LZIC: variants seen among roughly 807,000 people sequenced by gnomAD.
The protein encoded by LZIC is protein LZIC.
Under a neutral mutation model 25.4 loss-of-function variants are expected in LZIC, and 28 were observed. The observed-to-expected ratio is 1.10, with a 90% CI of 0.82 to 1.51. LZIC has a LOEUF of 1.51. LZIC is among the 40% of genes most tolerant of loss of function. The pLI is 0.00. For synonymous variants in LZIC, 65 were observed against 70.7 expected, an observed-to-expected ratio of 0.92 and a Z score of 0.40; for missense variants, 170 against 211.1, an observed-to-expected ratio of 0.81 and a Z score of 1.21.
downstream of LZIC, among the ~76,000 whole-genome samples, chr1:9,922,639 T>C (rs978485693): frequency 2.6e-5 from 4 of 152,310 alleles, no homozygotes; most frequent in East Asian, 1.9e-4. Context: ...TGGCTAACTA[T>C]AGACAGAACA....
rs1357580798 is a variant in LZIC, at chr1:9,930,090, AAAACAAACAGCC to A, written c.*297_*308del. 49 of 1,105,542 alleles carry A rather than the reference AAAACAAACAGCC, an allele frequency of 4.4e-5. No homozygotes were observed. Among genetic ancestry groups the A allele is most frequent in the Non-Finnish European group, 5.0e-5 (45 of 903,738 alleles). The allele number at this position is 1,105,542 out of a possible 1,614,324, so 68.5% of individuals were successfully genotyped here. Reference sequence around the variant, plus strand: ...TCTTTTCGTTCACTATCAACACTTAAAAACAAACAGCCTTAATAAAAATCAAGTCCACTTTGT... The same window carrying A: ...TCTTTTCGTTCACTATCAACACTTAATTAATAAAAATCAAGTCCACTTTGT... On this transcript the variant is annotated 3_prime_UTR_variant, in exon 8 of 8. Coordinates refer to ENST00000377223, the MANE Select transcript of LZIC (RefSeq NM_032368.5).
At chr1:9,937,718 G>A (rs1640520681) in intron 2 of LZIC, among the ~76,000 whole-genome samples, 1 of 151,196 alleles carries the variant, frequency 6.6e-6, no homozygotes, top group African/African-American at 2.4e-5. Context: ...CATGGTGGCG[G>A]ATGCCTCTAG....
At chr1:9,923,392 T>C (rs1557427958), downstream of LZIC, among the ~76,000 whole-genome samples, 3 of 151,848 alleles carry the variant, frequency 2.0e-5, no homozygotes, top group South Asian at 2.1e-4. Flanking sequence ...GTGGTTTCAG[T>C]AGAGACAGGG....
chr1:9,941,988 C>T (rs1356635236), intron 2 of LZIC, among the ~76,000 whole-genome samples: 2 of 152,064 alleles, frequency 1.3e-5, no homozygotes, highest in African/African-American at 2.4e-5. Flanking sequence ...GCGATCTCGG[C>T]TCACTGCAAC....
intron 3 of LZIC, 85 bp from the exon 4 acceptor site, chr1:9,935,712 A>T: frequency 1.6e-6 from 2 of 1,245,392 alleles, no homozygotes; most frequent in South Asian, 3.0e-5. Context: ...TTAGAGAAAG[A>T]CTGAAGGGAA....
rs577673812 is a variant in LZIC, at chr1:9,929,629, C to T, written c.*770G>A. The T allele has an allele frequency of 9.1e-6, 9 of 985,394 alleles. No individual in the cohort carries two copies. In the East Asian group the frequency reaches 1.0e-3, roughly 112 times the overall value. 61.0% of individuals were successfully genotyped at this position (985,394 alleles called of 1,614,324 possible). On this transcript the variant is annotated 3_prime_UTR_variant, in exon 8 of 8. Coordinates refer to ENST00000377223, the MANE Select transcript of LZIC (RefSeq NM_032368.5). The stretch of plus-strand genomic sequence containing the variant: ...CGGCTAAGTCACTTTAGGAAACGCT[C>T]AACAGGGCTCCCATTGTTCCAACCT...
At chr1:9,941,289 G>C (rs892014530) in intron 2 of LZIC, among the ~76,000 whole-genome samples, 1 of 151,834 alleles carries the variant, frequency 6.6e-6, no homozygotes. Context: ...CTGCCTCCTG[G>C]GTTCAAGTGA....
At chr1:9,924,587 C>T (rs142190794), downstream of LZIC, among the ~76,000 whole-genome samples, 3,958 of 152,170 alleles carry the variant, frequency 0.026, 171 homozygotes, top group African/African-American at 0.089. Flanking sequence ...ATCTCCTGAC[C>T]TTGTGATCCG....
downstream of LZIC, chr1:9,922,333 G>A: frequency 1.0e-6 from 1 of 985,244 alleles, no homozygotes; most frequent in Non-Finnish European, 1.2e-6. Flanking sequence ...AGTCTAGCAG[G>A]TAGTTCATGT....
At chr1:9,937,569 G>A (rs1023990249) in intron 2 of LZIC, among the ~76,000 whole-genome samples, 5 of 151,580 alleles carry the variant, frequency 3.3e-5, no homozygotes, top group African/African-American at 1.2e-4. Flanking sequence ...GCAGCTGGGT[G>A]CAGTGGCTCA....
chr1:9,935,928 G>C (rs947456506), intron 3 of LZIC, among the ~76,000 whole-genome samples: 1 of 151,968 alleles, frequency 6.6e-6, no homozygotes, highest in African/African-American at 2.4e-5. Context: ...TCAGGAGTTC[G>C]AGGCCAGCCT....
At chr1:9,930,544 G>C in intron 7 of LZIC, 87 bp from the exon 8 acceptor site, 3 of 1,560,602 alleles carry the variant, frequency 1.9e-6, no homozygotes, top group Non-Finnish European at 2.6e-6. Context: ...CTATCATATA[G>C]ATATTAAAAC....
chr1:9,931,792 GA>G (rs1640222299), intron 7 of LZIC, 98 bp downstream of exon 7: 1 of 705,076 alleles, frequency 1.4e-6, no homozygotes. Context: ...TAAACTCAAG[GA>G]AAGGTTATTA....
Position 9,929,628 on chromosome 1 carries a change from T to C in LZIC, c.*771A>G. The C allele has an allele frequency of 1.0e-6, 1 of 985,380 alleles. No homozygotes were observed. The highest frequency in any genetic ancestry group is 1.2e-6 in the Non-Finnish European group (1 of 829,932). The allele number at this position is 985,380 out of a possible 1,614,324, so 61.0% of individuals were successfully genotyped here. A position where few individuals can be genotyped will look rare whatever the true frequency, so the allele number is the denominator to read the frequency against. On this transcript the variant is annotated 3_prime_UTR_variant, in exon 8 of 8. Coordinates refer to ENST00000377223, the MANE Select transcript of LZIC (RefSeq NM_032368.5). Reference sequence around the variant, plus strand: ...GCGGCTAAGTCACTTTAGGAAACGCTCAACAGGGCTCCCATTGTTCCAACC... The same window carrying C: ...GCGGCTAAGTCACTTTAGGAAACGCCCAACAGGGCTCCCATTGTTCCAACC...
downstream of LZIC, among the ~76,000 whole-genome samples, chr1:9,924,707 C>T (rs2101571692): frequency 6.6e-6 from 1 of 152,138 alleles, no homozygotes; most frequent in East Asian, 1.9e-4. Flanking sequence ...CTCAGGCTGG[C>T]TCTGTTTTCA....
At chr1:9,933,299 T>TACAC (rs375043783) in intron 5 of LZIC, among the ~76,000 whole-genome samples, 8 of 130,148 alleles carry the variant, frequency 6.1e-5, no homozygotes, top group African/African-American at 2.4e-4. Flanking sequence ...TATATATATA[T>TACAC]ATACACATAC....
Position 9,932,232 on chromosome 1 carries a change from C to G in LZIC, c.433-260G>C. 9.2e-6 allele frequency: 3 copies of G among 324,752 alleles called. No individual in the cohort carries two copies. The South Asian group carries it at 9.6e-5, about 10-fold the overall frequency. 20.1% of individuals were successfully genotyped at this position (324,752 alleles called of 1,614,324 possible). Reference sequence around the variant, plus strand: ...TGGTGGTGCACGCCTGTAATCCCAGCTACTCAGGAGGATGAGGCAGTAGAA... The same window carrying G: ...TGGTGGTGCACGCCTGTAATCCCAGGTACTCAGGAGGATGAGGCAGTAGAA... On this transcript the variant is annotated intron_variant, in intron 6 of 7. Transcript: ENST00000377223.
chr1:9,930,353 C>A lies in LZIC; in HGVS notation c.*46G>T, dbSNP rs1487488780. ...ACTGAAAACCCCAGAAGAAAGACAC[C>A]ATTTACATTAAGAATGTGATCAATG... On this transcript the variant is annotated 3_prime_UTR_variant, in exon 8 of 8. Coordinates refer to ENST00000377223, the MANE Select transcript of LZIC (RefSeq NM_032368.5). The A allele has an allele frequency of 6.3e-7, 1 of 1,597,602 alleles. No homozygotes were observed. The highest frequency in any genetic ancestry group is 1.3e-5 in the African/African-American group (1 of 74,094).
intron 4 of LZIC, 37 bp downstream of exon 4, chr1:9,935,452 AAAC>A (rs773882749): frequency 6.4e-7 from 1 of 1,552,612 alleles, no homozygotes; most frequent in South Asian, 1.2e-5. Context: ...ACAAACAAAA[AAAC>A]AAAGTCTGTC....
Sources: gnomAD v4.1 joint callset for allele counts (sites outside exome capture counted in the v4.1 genomes callset) on GRCh38, gnomAD v4.1.1 for gene constraint, MANE v1.5 for transcripts, NCBI Gene and HGNC (gene_info 2026-07-23, HGNC 2026-07-21) for gene names.